The following DNAJC10 variants were observed in gnomAD, a reference collection of about 807,000 sequenced individuals.
DNAJC10 encodes DnaJ heat shock protein family (Hsp40) member C10.
In DNAJC10, 101 loss-of-function variants were observed where a neutral mutation model predicts 115.0. That is an observed-to-expected ratio of 0.88 (90% CI 0.75 to 1.04). The LOEUF is 1.04. DNAJC10 is among the 50% of genes least tolerant of loss of function. The probability of loss-of-function intolerance (pLI) is 0.00; values close to 1 mark genes in which losing one functional copy is unlikely to be tolerated. For missense variants in DNAJC10, 981 were observed against 928.8 expected (o/e 1.06, Z -0.73); for synonymous variants, 307 against 301.5 (o/e 1.02, Z -0.19).
chr2:182,740,434 C>G (rs368511754), intron 12 of DNAJC10, 46 bp downstream of exon 12: 1 of 1,498,516 alleles, frequency 6.7e-7, no homozygotes. Flanking sequence ...ATGTTCGTAA[C>G]ATTTCAGGTC....
chr2:182,727,158 T>A (rs1693308682), intron 5 of DNAJC10, among the ~76,000 whole-genome samples: 1 of 151,440 alleles, frequency 6.6e-6, no homozygotes, highest in African/African-American at 2.5e-5. Flanking sequence ...GTGACTCCTT[T>A]ATAGTGATAC....
rs1694800361 is a variant in DNAJC10 at position 182,779,748 on chromosome 2, G to T, written c.*2616G>T. 6.6e-6 allele frequency: 1 copy of T among 151,958 alleles called. No homozygotes were observed. The highest frequency in any genetic ancestry group is 1.5e-5 in the Non-Finnish European group (1 of 67,982). The allele number at this position is 151,958 out of a possible 1,614,324, so 9.4% of individuals were successfully genotyped here. On this transcript the variant is annotated 3_prime_UTR_variant, in exon 24 of 24. Transcript: ENST00000264065. The stretch of plus-strand genomic sequence containing the variant: ...TATTCTCAAAATTTTCTTTAAATTT[G>T]CTCTGTTTTCTGACAGTGCTCAAAG...
chr2:182,726,177 A>G (rs531643854), intron 5 of DNAJC10, among the ~76,000 whole-genome samples: 7 of 152,282 alleles, frequency 4.6e-5, no homozygotes, highest in East Asian at 1.9e-4. Flanking sequence ...CAAGGCTTCA[A>G]TGGAGGATGT....
At chr2:182,777,059 A>AT in intron 23 of DNAJC10, 62 bp from the exon 24 acceptor site, 1 of 1,138,694 alleles carries the variant, frequency 8.8e-7, no homozygotes, top group Non-Finnish European at 1.2e-6. Flanking sequence ...ATTTCACCTT[A>AT]TTTTTAACAT....
chr2:182,730,646 G>T (rs1010647526), intron 8 of DNAJC10: 11 of 415,160 alleles, frequency 2.6e-5, no homozygotes, highest in Non-Finnish European at 4.7e-6. Context: ...TGAATAGGAA[G>T]CCTTAGGAGA....
At chr2:182,742,223 C>T (rs907124108) in intron 13 of DNAJC10, among the ~76,000 whole-genome samples, 1 of 152,118 alleles carries the variant, frequency 6.6e-6, no homozygotes. Flanking sequence ...GTCATTCTGT[C>T]ACCCAGGCTG....
At chr2:182,764,860 A>C (rs998269809) in intron 22 of DNAJC10, among the ~76,000 whole-genome samples, 78 of 152,248 alleles carry the variant, frequency 5.1e-4, no homozygotes, top group Non-Finnish European at 1.2e-4. Context: ...TATTGGTCCT[A>C]AAAGCCCATA....
intron 14 of DNAJC10, among the ~76,000 whole-genome samples, chr2:182,746,367 C>T (rs2105656147): frequency 6.6e-6 from 1 of 152,250 alleles, no homozygotes; most frequent in East Asian, 1.9e-4. Context: ...AAAAGTGTTC[C>T]TATTTCTCCA....
Position 182,759,378 on chromosome 2 carries a change from T to C in DNAJC10, c.2145+71T>C, listed in dbSNP as rs184125741. On this transcript the variant is annotated intron_variant, in intron 21 of 23. Coordinates refer to ENST00000264065, the MANE Select transcript of DNAJC10 (RefSeq NM_018981.4). ...TAGTAATTAGATAAAACATTGTAAGTATGTAATTTTTAGGTTTTTTTCTTA... is the reference window on the plus strand; with the variant it reads ...TAGTAATTAGATAAAACATTGTAAGCATGTAATTTTTAGGTTTTTTTCTTA... 162 of 1,461,304 alleles carry C rather than the reference T, an allele frequency of 1.1e-4. 1 individual carries two copies. The African/African-American group carries it at 2.2e-3, about 20-fold the overall frequency. 90.5% of individuals were successfully genotyped at this position (1,461,304 alleles called of 1,614,324 possible).
chr2:182,758,752 T>C (rs1694218321), intron 19 of DNAJC10, 85 bp from the exon 20 acceptor site: 1 of 984,362 alleles, frequency 1.0e-6, no homozygotes. Context: ...TAACTTATTT[T>C]TTAAATTGCT....
chr2:182,746,353 G>T (rs1390898968), intron 14 of DNAJC10, among the ~76,000 whole-genome samples: 1 of 152,166 alleles, frequency 6.6e-6, no homozygotes, highest in Non-Finnish European at 1.5e-5. Flanking sequence ...CCCACCAACA[G>T]TGTAAAAGTG....
At chr2:182,752,550 A>G (rs773662006) in intron 16 of DNAJC10, 35 of 907,708 alleles carry the variant, frequency 3.9e-5, no homozygotes, top group South Asian at 1.5e-4. Context: ...ACTTCTAAGT[A>G]TATTTGCTGG....
intron 11 of DNAJC10, among the ~76,000 whole-genome samples, chr2:182,739,301 A>G (rs748869295): frequency 6.7e-6 from 1 of 149,492 alleles, no homozygotes; most frequent in Non-Finnish European, 1.5e-5. Context: ...AAAAAACCTG[A>G]ATTTTTATTC....
rs536472825 is a variant in DNAJC10, at chr2:182,776,766, A to G, written c.2371-355A>G. On this transcript the variant is annotated intron_variant, in intron 23 of 23. Coordinates refer to ENST00000264065, the MANE Select transcript of DNAJC10 (RefSeq NM_018981.4). Reference sequence around the variant, plus strand: ...GTGTTTCGCTATATTAGTTTTCTCAAGATATTTTATTTTGAAAGGTGTAAC... The same window carrying G: ...GTGTTTCGCTATATTAGTTTTCTCAGGATATTTTATTTTGAAAGGTGTAAC... 2.6e-5 allele frequency among the ~76,000 whole-genome samples: 4 copies of G among 152,336 alleles called. No homozygotes were observed. The South Asian group carries it at 8.3e-4, about 32-fold the overall frequency.
chr2:182,777,075 A>G (rs1046647981), intron 23 of DNAJC10, 46 bp from the exon 24 acceptor site: 3 of 1,273,660 alleles, frequency 2.4e-6, no homozygotes, highest in Non-Finnish European at 3.2e-6. Flanking sequence ...AACATTACCA[A>G]CTCATACTTT....
intron 15 of DNAJC10, 112 bp downstream of exon 15, chr2:182,751,897 A>G: frequency 7.2e-7 from 1 of 1,394,036 alleles, no homozygotes; most frequent in South Asian, 1.3e-5. Flanking sequence ...GTGTCATTCC[A>G]TTATGGCCAC....
chr2:182,752,713 CAA>C (rs61411602), intron 16 of DNAJC10: 4,239 of 164,050 alleles, frequency 0.026, no homozygotes, highest in Non-Finnish European at 0.044. Context: ...ATACTTTGGG[CAA>C]AAAAAAAAAA....
intron 7 of DNAJC10, chr2:182,729,217 C>T (rs181153544): frequency 3.9e-5 from 16 of 405,520 alleles, no homozygotes; most frequent in East Asian, 1.6e-4. Flanking sequence ...GGTGCAGTCT[C>T]GGCTCACTGC....
intron 16 of DNAJC10, among the ~76,000 whole-genome samples, chr2:182,753,874 G>A (rs987927744): frequency 1.2e-4 from 19 of 152,132 alleles, no homozygotes; most frequent in Non-Finnish European, 2.2e-4. Context: ...GAGCCACTGC[G>A]CCCAGCCAAT....
Sources: gnomAD v4.1 joint callset for allele counts (sites outside exome capture counted in the v4.1 genomes callset) on GRCh38, gnomAD v4.1.1 for gene constraint, MANE v1.5 for transcripts, NCBI Gene and HGNC (gene_info 2026-07-23, HGNC 2026-07-21) for gene names.